The following CHL1 variants were observed in gnomAD, a reference collection of about 807,000 sequenced individuals.
CHL1 encodes the protein cell adhesion molecule L1 like, also known as neural cell adhesion molecule L1-like protein.
CHL1 carries 96 observed loss-of-function variants against 141.9 expected under a neutral mutation model. The observed-to-expected ratio is 0.68, with a 90% confidence interval of 0.57 to 0.80. The LOEUF (loss-of-function observed/expected upper bound fraction) is 0.80, where lower values mean the gene tolerates loss of function less well. Ranked by LOEUF, CHL1 falls within the 30% of genes least tolerant of loss-of-function variation. CHL1 has a pLI of 0.00. For missense variants in CHL1, 1,820 were observed against 1,457.2 expected, an observed-to-expected ratio of 1.25 and a Z score of -4.05; for synonymous variants, 613 against 502.2, an observed-to-expected ratio of 1.22 and a Z score of -2.95.
In CHL1 at chr3:399,367, C is replaced by T. The variant is rs76100746; in HGVS notation, c.3385+219C>T. Among the ~76,000 whole-genome samples the T allele has an allele frequency of 3.5e-3, 535 of 152,254 alleles. 3 individuals carry two copies. Among genetic ancestry groups the T allele is most frequent in the African/African-American group, 0.012 (500 of 41,550 alleles). On this transcript the variant is annotated intron_variant, in intron 26 of 27. Transcript: ENST00000256509. ...CTTAAAATGGGCTCTAACTGCCGGG[C>T]GCAGTGGCTCACGCCTGTAATTCCA...
intron 2 of CHL1, chr3:308,736 A>G (rs1399190038): frequency 6.5e-6 from 1 of 152,686 alleles, no homozygotes; most frequent in African/African-American, 2.4e-5. Flanking sequence ...CCAGACCTTG[A>G]TCTGGCTCAG....
chr3:238,429 A>T (rs1692206858), intron 1 of CHL1, among the ~76,000 whole-genome samples: 1 of 152,136 alleles, frequency 6.6e-6, no homozygotes, highest in South Asian at 2.1e-4. Flanking sequence ...AAAAAAATAA[A>T]AAAAATAGCC....
At chr3:204,392 C>T (rs1470331048) in intron 1 of CHL1, among the ~76,000 whole-genome samples, 4 of 152,190 alleles carry the variant, frequency 2.6e-5, no homozygotes, top group Non-Finnish European at 5.9e-5. Context: ...GAGGAAGTAT[C>T]CTTCTTCTTT....
chr3:341,699 T>TA (rs1702360356), intron 6 of CHL1, among the ~76,000 whole-genome samples: 1 of 152,156 alleles, frequency 6.6e-6, no homozygotes, highest in Admixed American at 6.6e-5. Flanking sequence ...TGGTTAATGG[T>TA]AAAAAGTATC....
chr3:199,270 G>A (rs1244145491), intron 1 of CHL1, among the ~76,000 whole-genome samples: 1 of 152,144 alleles, frequency 6.6e-6, no homozygotes, highest in Non-Finnish European at 1.5e-5. Flanking sequence ...TTACTGGATG[G>A]GTGTGAGTAC....
At chr3:221,404 G>A (rs768459340) in intron 1 of CHL1, among the ~76,000 whole-genome samples, 3 of 152,174 alleles carry the variant, frequency 2.0e-5, no homozygotes, top group Admixed American at 6.5e-5. Flanking sequence ...ACAGAAGATC[G>A]ATATCAACTT....
intron 16 of CHL1, among the ~76,000 whole-genome samples, 156 bp from the exon 17 acceptor site, chr3:382,023 T>A (rs2125393423): frequency 7.9e-6 from 1 of 126,478 alleles, no homozygotes; most frequent in Non-Finnish European, 1.6e-5. Flanking sequence ...AAACTCCACC[T>A]TTCCCTTCCA....
chr3:241,894 T>C (rs993104261), intron 1 of CHL1, among the ~76,000 whole-genome samples: 8 of 152,006 alleles, frequency 5.3e-5, no homozygotes, highest in Non-Finnish European at 1.2e-4. Flanking sequence ...TTAGTATCTA[T>C]GTCAATGGTG....
chr3:381,012 G>A lies in CHL1; in HGVS notation c.1877-1167G>A, dbSNP rs185991171. ...CATTTGAGATACATCATGTTTCCCA[G>A]ACTTGGGTATACCTAATCCCCATCC... On this transcript the variant is annotated intron_variant, in intron 16 of 27. Coordinates refer to ENST00000256509, the MANE Select transcript of CHL1 (RefSeq NM_006614.4). Among the ~76,000 whole-genome samples, 57 of 152,288 alleles carry A rather than the reference G, an allele frequency of 3.7e-4. 1 individual carries two copies. Among genetic ancestry groups the A allele is most frequent in the South Asian group, 3.7e-3 (18 of 4,828 alleles).
At chr3:333,881 A>G (rs1284883583) in intron 5 of CHL1, among the ~76,000 whole-genome samples, 1 of 152,132 alleles carries the variant, frequency 6.6e-6, no homozygotes, top group East Asian at 1.9e-4. Flanking sequence ...AGATTTCTCC[A>G]CTTAGCATTC....
At chr3:284,282 A>G (rs1696925951) in intron 2 of CHL1, among the ~76,000 whole-genome samples, 1 of 152,246 alleles carries the variant, frequency 6.6e-6, no homozygotes, top group Non-Finnish European at 1.5e-5. Flanking sequence ...TGAGAAATGA[A>G]TAATAAGAGG....
intron 2 of CHL1, among the ~76,000 whole-genome samples, chr3:302,306 T>G (rs1251276997): frequency 3.3e-5 from 5 of 152,214 alleles, no homozygotes; most frequent in African/African-American, 1.2e-4. Context: ...TTCTGCATCC[T>G]TAAGGAATTG....
chr3:252,063 G>C (rs1277602107), intron 2 of CHL1, among the ~76,000 whole-genome samples: 1 of 151,872 alleles, frequency 6.6e-6, no homozygotes, highest in Non-Finnish European at 1.5e-5. Flanking sequence ...CAAACTTAGA[G>C]ACCACCAGAA....
chr3:382,560 A>G lies in CHL1; in HGVS notation c.2065A>G (p.Ile689Val), dbSNP rs759702550. ...AGTCCAAGGAAAGAAAACCACAGTT[A>G]TCTTACCTTTGGCTCCATTTGTGAG... The part of the protein sequence containing the change: ...TRVQGKKTTV[I>V]LPLAPFVRYQ... Residue 689 changes from isoleucine (I) to valine (V), a missense_variant, in exon 18 of 28, where the codon ATC becomes GTC. Coordinates refer to ENST00000256509, the MANE Select transcript of CHL1 (RefSeq NM_006614.4). 1 of 1,613,596 alleles carries G rather than the reference A, an allele frequency of 6.2e-7. No homozygotes were observed. Among genetic ancestry groups the G allele is most frequent in the Non-Finnish European group, 8.5e-7 (1 of 1,179,506 alleles).
At chr3:304,176 A>T (rs1413613830) in intron 2 of CHL1, among the ~76,000 whole-genome samples, 2 of 152,156 alleles carry the variant, frequency 1.3e-5, no homozygotes, top group Non-Finnish European at 2.9e-5. Flanking sequence ...ATCAATGTTC[A>T]TCAGGGATAT....
intron 26 of CHL1, among the ~76,000 whole-genome samples, chr3:401,370 G>T (rs1448543089): frequency 6.6e-6 from 1 of 152,138 alleles, no homozygotes; most frequent in Admixed American, 6.5e-5. Context: ...ACATAAAATT[G>T]AGTAGTCACG....
intron 13 of CHL1, among the ~76,000 whole-genome samples, chr3:362,833 T>C (rs937971490): frequency 1.3e-5 from 2 of 152,122 alleles, no homozygotes; most frequent in African/African-American, 4.8e-5. Context: ...CAGCAGGAGG[T>C]TTGAAAGGTT....
At chr3:344,466 AACACACAC>A (rs56787746) in intron 8 of CHL1, 115 bp from the exon 9 acceptor site, 232 of 561,846 alleles carry the variant, frequency 4.1e-4, no homozygotes, top group Middle Eastern at 2.5e-3. Context: ...ATGTGTATAG[AACACACAC>A]ACACACACAC....
intron 2 of CHL1, among the ~76,000 whole-genome samples, chr3:268,492 G>A (rs544882507): frequency 5.3e-5 from 8 of 152,090 alleles, no homozygotes; most frequent in East Asian, 1.9e-4. Flanking sequence ...CTGAGATTGC[G>A]CCACTGCAGT....
Sources: allele counts gnomAD v4.1 joint callset (sites outside exome capture counted in the v4.1 genomes callset), GRCh38; gene constraint gnomAD v4.1.1; transcripts MANE v1.5; gene names NCBI Gene and HGNC (gene_info 2026-07-23, HGNC 2026-07-21).